The following KIF13B variants were observed in gnomAD, a reference collection of about 807,000 sequenced individuals.
KIF13B encodes the protein kinesin-like protein KIF13B.
Under a neutral mutation model 222.0 loss-of-function variants are expected in KIF13B, and 127 were observed. The observed-to-expected ratio is 0.57, with a 90% CI of 0.50 to 0.66. The LOEUF is 0.66. Among genes scored for constraint, KIF13B ranks in the 30% least tolerant of loss-of-function variants. KIF13B has a pLI of 0.00. For synonymous variants in KIF13B, 976 were observed against 919.0 expected (o/e 1.06, Z -1.12); for missense variants, 2,173 against 2,379.0 (o/e 0.91, Z 1.80).
Position 29,124,027 on chromosome 8 carries a change from G to A in KIF13B, c.3349C>T (p.Arg1117Cys), listed in dbSNP as rs747569217. ...DQQLQKLVSK[R>C]DKTEDDADRE... ...ATATTCTATTTGTTTTTCCTACCAC[G>A]TTTACTGACAAGCTTTTGCAATTGT... The change falls in exon 27 of 40, where the codon CGT becomes TGT. Residue 1117 changes from arginine (R) to cysteine (C), a missense_variant. This residue lies in a region of KIF13B where 1,480 missense variants were observed against 1,722.8 expected (regional missense o/e 0.86). Transcript: ENST00000524189. 87 of 1,593,366 alleles carry A rather than the reference G, an allele frequency of 5.5e-5. No homozygotes were observed. The highest frequency in any genetic ancestry group is 1.2e-4 in the African/African-American group (9 of 74,458).
chr8:29,150,233 T>C (rs1389749493), intron 15 of KIF13B, 64 bp downstream of exon 15: 1 of 862,062 alleles, frequency 1.2e-6, no homozygotes, highest in Non-Finnish European at 1.9e-6. Context: ...CTTTTTAACA[T>C]GTATTTTCTA....
intron 7 of KIF13B, among the ~76,000 whole-genome samples, chr8:29,180,522 C>A (rs1302647954): frequency 1.3e-5 from 2 of 152,128 alleles, no homozygotes; most frequent in African/African-American, 2.4e-5. Flanking sequence ...GTATGCCACA[C>A]CAACCCTCAT....
At chr8:29,192,027 T>C (rs1813214097) in intron 3 of KIF13B, among the ~76,000 whole-genome samples, 1 of 152,222 alleles carries the variant, frequency 6.6e-6, no homozygotes, top group Non-Finnish European at 1.5e-5. Flanking sequence ...GTGTTTATTT[T>C]ATGGTTTACA....
chr8:29,184,378 T>C (rs763202821), intron 6 of KIF13B, among the ~76,000 whole-genome samples: 1 of 152,204 alleles, frequency 6.6e-6, no homozygotes, highest in Admixed American at 6.5e-5. Flanking sequence ...CTACCACTTA[T>C]TGAGCACTTA....
chr8:29,145,120 A>T (rs1280022922), intron 18 of KIF13B, among the ~76,000 whole-genome samples: 1 of 152,220 alleles, frequency 6.6e-6, no homozygotes, highest in Non-Finnish European at 1.5e-5. Flanking sequence ...GTTTTTGGTG[A>T]GTCCTACTGT....
chr8:29,139,299 T>A (rs1317028955), intron 21 of KIF13B, among the ~76,000 whole-genome samples: 1 of 152,166 alleles, frequency 6.6e-6, no homozygotes, highest in Non-Finnish European at 1.5e-5. Flanking sequence ...TTATTTTACT[T>A]TAATAGTAGA....
chr8:29,107,390 T>C lies in KIF13B; in HGVS notation c.4215+749A>G, dbSNP rs371270797. ...TAAAAACATAAAAATTAGCTGGGTG[T>C]GGTGGCATGCACCTGTAATCCCAGC... On this transcript the variant is annotated intron_variant, in intron 35 of 39. Transcript: ENST00000524189. 2.5e-4 allele frequency among the ~76,000 whole-genome samples: 38 copies of C among 151,886 alleles called. 1 individual carries two copies. The highest frequency in any genetic ancestry group is 8.7e-4 in the African/African-American group (36 of 41,452).
intron 2 of KIF13B, among the ~76,000 whole-genome samples, chr8:29,213,656 C>T (rs1814334919): frequency 6.6e-6 from 1 of 152,048 alleles, no homozygotes. Context: ...TGTATCTAAA[C>T]ATAGAAAAGG....
chr8:29,167,735 G>A (rs991564483), intron 10 of KIF13B, 150 bp from the exon 11 acceptor site: 2 of 640,972 alleles, frequency 3.1e-6, no homozygotes, highest in South Asian at 1.9e-5. Context: ...GTATGGACTC[G>A]AGTCCTGTGC....
At chr8:29,092,690 C>T in intron 37 of KIF13B, 55 bp downstream of exon 37, 1 of 1,537,110 alleles carries the variant, frequency 6.5e-7, no homozygotes, top group South Asian at 1.2e-5. Context: ...TGGCGCAACA[C>T]AGAGCACCGC....
intron 23 of KIF13B, among the ~76,000 whole-genome samples, chr8:29,131,836 A>T (rs1470409454): frequency 6.6e-6 from 1 of 152,218 alleles, no homozygotes; most frequent in Non-Finnish European, 1.5e-5. Flanking sequence ...AAGGAAGTTT[A>T]ATTGTGTGAT....
intron 37 of KIF13B, among the ~76,000 whole-genome samples, chr8:29,089,592 C>T (rs192637312): frequency 1.1e-3 from 165 of 152,102 alleles, no homozygotes; most frequent in African/African-American, 3.9e-3. Context: ...CAATAACTCC[C>T]GATAAAAAGG....
At chr8:29,212,625 T>C (rs2130482009) in intron 2 of KIF13B, among the ~76,000 whole-genome samples, 1 of 152,200 alleles carries the variant, frequency 6.6e-6, no homozygotes, top group East Asian at 1.9e-4. Context: ...ATTCAGTCCT[T>C]TGACCTCTTT....
chr8:29,073,068 C>T (rs891178227), intron 38 of KIF13B, among the ~76,000 whole-genome samples: 8 of 139,678 alleles, frequency 5.7e-5, no homozygotes, highest in African/African-American at 1.6e-4. Context: ...AGCAGGGGGA[C>T]GAGGAGGGGT....
At chr8:29,197,065 C>T (rs111984866) in intron 2 of KIF13B, among the ~76,000 whole-genome samples, 121 of 152,142 alleles carry the variant, frequency 8.0e-4, no homozygotes, top group African/African-American at 2.6e-3. Flanking sequence ...TGGCCGGGCG[C>T]GGTGGCTCAC....
At chr8:29,139,177 A>G (rs1458456723) in intron 21 of KIF13B, among the ~76,000 whole-genome samples, 1 of 152,190 alleles carries the variant, frequency 6.6e-6, no homozygotes, top group African/African-American at 2.4e-5. Context: ...GAGATCTTCC[A>G]TTAAAAAACA....
chr8:29,148,516 C>G, intron 16 of KIF13B, 61 bp downstream of exon 16: 4 of 1,283,272 alleles, frequency 3.1e-6, no homozygotes, highest in Non-Finnish European at 3.2e-6. Context: ...CTCAAGCGAT[C>G]TCCCCACCTC....
rs1204828151 is a variant in KIF13B at position 29,071,778 on chromosome 8, A to C, written c.5060T>G (p.Leu1687Arg). The C allele has an allele frequency of 2.3e-5, 36 of 1,548,648 alleles. No individual in the cohort carries two copies. Among genetic ancestry groups the C allele is most frequent in the Non-Finnish European group, 3.1e-5 (36 of 1,146,554 alleles). Residue 1687 changes from leucine (L) to arginine (R), a missense_variant, in exon 39 of 40, where the codon CTG (leucine) becomes CGG (arginine). By Grantham distance (102) the Leu-to-Arg change is moderately radical. This residue lies in a region of KIF13B where 693 missense variants were observed against 656.2 expected (regional missense o/e 1.06). Transcript: ENST00000524189. The surrounding 1 kb of genome is among the most constrained non-coding windows in gnomAD (Gnocchi z 4.9). ...APAPGAGGQA[L>R]ASDSEEADEV... Reference sequence around the variant, plus strand: ...GTCAGCTTCCTCGGAATCAGAGGCCAGGGCCTGTCCCCCGGCGCCCGGGGC... The same window carrying C: ...GTCAGCTTCCTCGGAATCAGAGGCCCGGGCCTGTCCCCCGGCGCCCGGGGC...
intron 1 of KIF13B, among the ~76,000 whole-genome samples, chr8:29,246,192 C>T (rs939406978): frequency 6.6e-6 from 1 of 152,100 alleles, no homozygotes; most frequent in African/African-American, 2.4e-5. Context: ...CCAGCCTGGC[C>T]AACATGAAAC....
Sources: allele counts gnomAD v4.1 joint callset (sites outside exome capture counted in the v4.1 genomes callset), GRCh38; gene constraint gnomAD v4.1.1; regional missense constraint gnomAD v4.1.1; non-coding constraint Gnocchi (gnomAD v3.1); transcripts MANE v1.5; gene names NCBI Gene and HGNC (gene_info 2026-07-23, HGNC 2026-07-21).